BMP8B: variants seen among roughly 807,000 people sequenced by gnomAD.
The protein encoded by BMP8B is bone morphogenetic protein 8b.
BMP8B carries 17 observed loss-of-function variants against 30.3 expected under a neutral mutation model. That is an observed-to-expected ratio of 0.56 (90% CI 0.38 to 0.84). The LOEUF is 0.84. Among genes scored for constraint, BMP8B ranks in the 40% least tolerant of loss-of-function variants. The pLI is 0.00. For missense variants in BMP8B, 253 were observed against 494.6 expected, an observed-to-expected ratio of 0.51 and a Z score of 4.63; for synonymous variants, 131 against 214.7, an observed-to-expected ratio of 0.61 and a Z score of 3.41.
At chr1:39,776,223 C>T (rs1650220362) in intron 1 of BMP8B, among the ~76,000 whole-genome samples, 1 of 152,124 alleles carries the variant, frequency 6.6e-6, no homozygotes, top group Non-Finnish European at 1.5e-5. Flanking sequence ...GCCTGCCAAT[C>T]AAACAAAGGC....
intron 6 of BMP8B, chr1:39,761,137 C>T (rs1648905721): frequency 6.5e-6 from 1 of 154,630 alleles, no homozygotes; most frequent in African/African-American, 2.4e-5. Context: ...GCTTGGACCT[C>T]TCTTCTGAAC....
At chr1:39,784,819 C>CAA (rs1383140410) in intron 1 of BMP8B, among the ~76,000 whole-genome samples, 2 of 101,362 alleles carry the variant, frequency 2.0e-5, no homozygotes, top group Admixed American at 2.1e-4. Flanking sequence ...CTGTCCATGG[C>CAA]CACCGGAGAC....
intron 1 of BMP8B, among the ~76,000 whole-genome samples, chr1:39,780,864 C>T (rs552637467): frequency 2.0e-5 from 3 of 152,318 alleles, no homozygotes; most frequent in South Asian, 2.1e-4. Flanking sequence ...CCACTGCACT[C>T]CAGCCTGGGT....
Position 39,763,104 on chromosome 1 carries a change from G to A in BMP8B, c.1047C>T (p.Ile349=). ...GCATGGTACTGACCAGGGACTGCAGGATGGCGTGGTTGGTGGCATTCATGC... is the reference window on the plus strand; with the variant it reads ...GCATGGTACTGACCAGGGACTGCAGAATGGCGTGGTTGGTGGCATTCATGC... ...DSCMNATNHA[I]LQSLVHLMMP... is the part of the protein sequence containing the mutation. The change falls in exon 6 of 7, where the codon ATC becomes ATT. Residue 349 remains isoleucine, a synonymous_variant. Transcript: ENST00000372827. 1.2e-6 allele frequency: 2 copies of A among 1,613,996 alleles called. No homozygotes were observed. The highest frequency in any genetic ancestry group is 8.5e-7 in the Non-Finnish European group (1 of 1,179,882).
Position 39,759,338 on chromosome 1 carries a change from C to T in BMP8B, c.*1081G>A, listed in dbSNP as rs1354220543. 1 of 152,346 alleles carries T rather than the reference C, an allele frequency of 6.6e-6. No homozygotes were observed. The highest frequency in any genetic ancestry group is 2.1e-4 in the South Asian group (1 of 4,834). The allele number at this position is 152,346 out of a possible 1,614,324, so 9.4% of individuals were successfully genotyped here. On this transcript the variant is annotated 3_prime_UTR_variant, in exon 7 of 7. Coordinates refer to ENST00000372827, the MANE Select transcript of BMP8B (RefSeq NM_001720.5). ...CAGCCTGTTTTTGATGGCCCCTGGC[C>T]TCGCCCCAGACCCGGTCACAGGCTG...
Position 39,769,440 on chromosome 1 carries a change from C to G in BMP8B, c.674-4623G>C, listed in dbSNP as rs139518427. ...CTGAGCTGTGCACGCTCTGTGTAAA[C>G]ATCACAGAGCAAAGCGGACATCCAT... On this transcript the variant is annotated intron_variant, in intron 3 of 6. Transcript: ENST00000372827. 231 of 400,582 alleles carry G rather than the reference C, an allele frequency of 5.8e-4. 7 individuals carry two copies. The highest frequency in any genetic ancestry group is 4.0e-3 in the African/African-American group (191 of 47,334). 24.8% of individuals were successfully genotyped at this position (400,582 alleles called of 1,614,324 possible). A position where few individuals can be genotyped will look rare whatever the true frequency, so the allele number is the denominator to read the frequency against.
At chr1:39,784,476 C>T (rs1650852865) in intron 1 of BMP8B, among the ~76,000 whole-genome samples, 1 of 133,696 alleles carries the variant, frequency 7.5e-6, no homozygotes, top group Non-Finnish European at 1.6e-5. Context: ...CGACAATTAC[C>T]TTTAGGGCTC....
Position 39,763,187 on chromosome 1 carries a change from G to A in BMP8B, c.964C>T (p.Pro322Ser), listed in dbSNP as rs1249066960. Reference protein sequence around the residue: ...DLGWLDWVIAPQGYSAYYCEG... With the variant: ...DLGWLDWVIASQGYSAYYCEG... ...CAGTAATAGGCCGAGTAGCCTTGGG[G>A]AGCGATGACCCAGTCCTGGGGGGCA... Residue 322 changes from proline (P) to serine (S), a missense_variant, in exon 6 of 7, where the codon CCC (proline) becomes TCC (serine). Around this residue, in one of 7 missense-constraint regions of BMP8B, gnomAD observed 116 missense variants for 142.3 expected, o/e 0.81. Transcript: ENST00000372827. 1.2e-6 allele frequency: 2 copies of A among 1,613,212 alleles called. No homozygotes were observed. Among genetic ancestry groups the A allele is most frequent in the African/African-American group, 1.3e-5 (1 of 74,886 alleles).
chr1:39,776,240 T>G (rs1650221813), intron 1 of BMP8B, among the ~76,000 whole-genome samples: 1 of 151,996 alleles, frequency 6.6e-6, no homozygotes, highest in African/African-American at 2.4e-5. Flanking sequence ...AGGCTGTAGT[T>G]GCGGAATAAA....
chr1:39,776,316 C>T (rs1650229165), intron 1 of BMP8B, among the ~76,000 whole-genome samples: 1 of 152,208 alleles, frequency 6.6e-6, no homozygotes, highest in Non-Finnish European at 1.5e-5. Context: ...TCACTTTAGC[C>T]TCCCATCCGT....
chr1:39,760,603 C>G, intron 6 of BMP8B, 35 bp from the exon 7 acceptor site: 1 of 1,604,078 alleles, frequency 6.2e-7, no homozygotes, highest in Non-Finnish European at 8.5e-7. Flanking sequence ...GGGGCATGAG[C>G]CCAGTGGCCT....
At chr1:39,770,845 G>A in intron 3 of BMP8B, 3 of 781,916 alleles carry the variant, frequency 3.8e-6, no homozygotes, top group Non-Finnish European at 5.8e-6. Flanking sequence ...GGGTGCCCTG[G>A]GGCGTGAGCT....
intron 3 of BMP8B, chr1:39,770,481 T>C: frequency 6.2e-7 from 1 of 1,610,352 alleles, no homozygotes; most frequent in South Asian, 1.1e-5. Context: ...GGAACGTGGA[T>C]GTCTTCTGGG....
intron 3 of BMP8B, among the ~76,000 whole-genome samples, chr1:39,769,093 A>G (rs230319): frequency 0.66 from 96,343 of 146,036 alleles, 33,064 homozygotes; most frequent in Middle Eastern, 0.78. Flanking sequence ...AGGAGGCTGA[A>G]TTAGGATTGC....
chr1:39,767,271 A>G (rs1412398709), intron 3 of BMP8B, among the ~76,000 whole-genome samples: 1 of 151,968 alleles, frequency 6.6e-6, no homozygotes, highest in Non-Finnish European at 1.5e-5. Context: ...CATTTTACAG[A>G]AGCAGAAACT....
intron 1 of BMP8B, among the ~76,000 whole-genome samples, chr1:39,778,612 G>C (rs1319290357): frequency 1.3e-5 from 2 of 152,084 alleles, no homozygotes; most frequent in African/African-American, 4.8e-5. Flanking sequence ...CATAAATGGT[G>C]CTGCTCTCAT....
rs200035026 is a variant in BMP8B, at chr1:39,763,079, G to C, written c.1059+13C>G. ...CACCCCAGGGGGCTGGGCAGGATGG[G>C]CATGGTACTGACCAGGGACTGCAGG... On this transcript the variant is annotated intron_variant, in intron 6 of 6. Coordinates refer to ENST00000372827, the MANE Select transcript of BMP8B (RefSeq NM_001720.5). 1 of 1,612,442 alleles carries C rather than the reference G, an allele frequency of 6.2e-7. No homozygotes were observed. The highest frequency in any genetic ancestry group is 2.2e-5 in the East Asian group (1 of 44,866).
chr1:39,761,820 G>A (rs1232657238), intron 6 of BMP8B, among the ~76,000 whole-genome samples: 2 of 152,216 alleles, frequency 1.3e-5, no homozygotes, highest in Admixed American at 6.5e-5. Flanking sequence ...CACAGGAGGC[G>A]TCACCTCCAC....
At chr1:39,777,534 G>A (rs560761351) in intron 1 of BMP8B, among the ~76,000 whole-genome samples, 1 of 152,348 alleles carries the variant, frequency 6.6e-6, no homozygotes, top group Admixed American at 6.5e-5. Flanking sequence ...CCCTGTGCCT[G>A]CCACTCCAGG....
Sources: gnomAD v4.1 joint callset for allele counts (sites outside exome capture counted in the v4.1 genomes callset) on GRCh38, gnomAD v4.1.1 for gene constraint, gnomAD v4.1.1 regional missense constraint, MANE v1.5 for transcripts, NCBI Gene and HGNC (gene_info 2026-07-23, HGNC 2026-07-21) for gene names.